ART3: variants seen among roughly 807,000 people sequenced by gnomAD.
ART3 encodes ADP-ribosyltransferase 3 (inactive).
Under a neutral mutation model 48.5 loss-of-function variants are expected in ART3, and 49 were observed. The ratio of observed to expected loss-of-function variants is 1.01; its 90% CI spans 0.80 to 1.28. ART3 has a LOEUF of 1.28. Ranked by LOEUF, ART3 falls within the 50% of genes most tolerant of loss-of-function variation. The probability of loss-of-function intolerance (pLI) is 0.00; values close to 1 mark genes in which losing one functional copy is unlikely to be tolerated. For synonymous variants in ART3, 145 were observed against 157.2 expected (o/e 0.92, Z 0.58); for missense variants, 438 against 454.3 (o/e 0.96, Z 0.33).
chr4:76,104,227 G>C (rs964034670), intron 9 of ART3: 3 of 546,400 alleles, frequency 5.5e-6, no homozygotes, highest in Non-Finnish European at 7.0e-6. Context: ...AGGCTCCTGG[G>C]ATCTGGATGC....
intron 1 of ART3, among the ~76,000 whole-genome samples, chr4:76,052,270 T>C (rs1257010614): frequency 6.6e-6 from 1 of 152,154 alleles, no homozygotes; most frequent in Non-Finnish European, 1.5e-5. Flanking sequence ...TGTAGTCTGG[T>C]ATTTGAGAAT....
chr4:76,109,612 C>T (rs1578638426), intron 11 of ART3, among the ~76,000 whole-genome samples: 1 of 152,150 alleles, frequency 6.6e-6, no homozygotes, highest in East Asian at 1.9e-4. Context: ...ATACAACTGG[C>T]AGTGCAGTAG....
intron 1 of ART3, among the ~76,000 whole-genome samples, chr4:76,018,637 T>A (rs910895477): frequency 6.6e-6 from 1 of 152,146 alleles, no homozygotes; most frequent in Non-Finnish European, 1.5e-5. Context: ...TACAAAGTAA[T>A]ATGCCATGAA....
intron 1 of ART3, among the ~76,000 whole-genome samples, chr4:76,026,296 AT>A: frequency 6.6e-6 from 1 of 151,748 alleles, no homozygotes; most frequent in African/African-American, 2.4e-5. Flanking sequence ...CAGTTCATTC[AT>A]TTTTTTTAAT....
At position 76,097,685 on chromosome 4, in the gene ART3, G is replaced by T. The variant is rs775821136; in HGVS notation, c.814+9G>T. The T allele has an allele frequency of 1.9e-6, 3 of 1,604,592 alleles. No individual in the cohort carries two copies. In the South Asian group the frequency reaches 3.3e-5, roughly 18 times the overall value. On this transcript the variant is annotated intron_variant, in intron 4 of 11. Transcript: ENST00000355810. ...CTGTATTGAGAACCTAGGTAAGATA[G>T]CTTTAAAGTCTTATCCCTATAATAG...
chr4:76,076,745 CA>C (rs1330534169), intron 2 of ART3, among the ~76,000 whole-genome samples: 14 of 152,244 alleles, frequency 9.2e-5, no homozygotes, highest in African/African-American at 2.4e-4. Flanking sequence ...CATTTTCCCA[CA>C]TTTTTTTTCT....
At chr4:76,089,631 A>G (rs539927295) in intron 3 of ART3, among the ~76,000 whole-genome samples, 1 of 152,150 alleles carries the variant, frequency 6.6e-6, no homozygotes, top group East Asian at 1.9e-4. Context: ...CCAGTCTCAG[A>G]TATTTCTTTA....
intron 10 of ART3, chr4:76,105,724 T>A (rs962483324): frequency 1.0e-6 from 1 of 985,304 alleles, no homozygotes; most frequent in African/African-American, 1.7e-5. Flanking sequence ...TCTTTCAGTG[T>A]GAGCAGCAGG....
At chr4:76,044,462 G>A (rs190945846) in intron 1 of ART3, among the ~76,000 whole-genome samples, 40 of 152,172 alleles carry the variant, frequency 2.6e-4, no homozygotes, top group African/African-American at 8.9e-4. Flanking sequence ...CTGTCTGAGA[G>A]GCAGATATGG....
intron 10 of ART3, chr4:76,106,197 T>TGCTA: frequency 1.0e-6 from 1 of 985,444 alleles, no homozygotes; most frequent in South Asian, 4.7e-5. Flanking sequence ...GTTCACTTTG[T>TGCTA]GCTACACTTG....
Position 76,060,241 on chromosome 4 carries a change from A to G in ART3, c.-9-15640A>G, listed in dbSNP as rs968783409. ...TTTTGGAACATAATACTGTTGTAGAATATTGTGGAATCATAAGTTACTGAT... is the reference window on the plus strand; with the variant it reads ...TTTTGGAACATAATACTGTTGTAGAGTATTGTGGAATCATAAGTTACTGAT... On this transcript the variant is annotated intron_variant, in intron 1 of 9. Transcript: ENST00000341029. Among the ~76,000 whole-genome samples the G allele has an allele frequency of 3.3e-5, 5 of 152,324 alleles. No homozygotes were observed. The South Asian group carries it at 6.2e-4, about 19-fold the overall frequency.
At chr4:76,060,877 A>G (rs1465166851) in intron 1 of ART3, among the ~76,000 whole-genome samples, 1 of 152,216 alleles carries the variant, frequency 6.6e-6, no homozygotes, top group African/African-American at 2.4e-5. Context: ...ACAGGTCTCA[A>G]TCTTAAGTCT....
At chr4:76,109,603 T>C (rs1184162845) in intron 11 of ART3, among the ~76,000 whole-genome samples, 1 of 152,228 alleles carries the variant, frequency 6.6e-6, no homozygotes, top group Non-Finnish European at 1.5e-5. Flanking sequence ...TATACAGTTA[T>C]ACAACTGGCA....
At chr4:76,086,063 C>G (rs531417898) in intron 3 of ART3, among the ~76,000 whole-genome samples, 1,636 of 150,866 alleles carry the variant, frequency 0.011, 19 homozygotes, top group Non-Finnish European at 0.018. Context: ...CAAGAGTCCC[C>G]CCCCCCGCTC....
intron 4 of ART3, among the ~76,000 whole-genome samples, chr4:76,098,684 C>T (rs116980462): frequency 0.029 from 4,406 of 152,130 alleles, 170 homozygotes; most frequent in African/African-American, 0.089. Context: ...GCTTGAAACC[C>T]GGGAGGCAGA....
intron 1 of ART3, among the ~76,000 whole-genome samples, chr4:76,049,880 G>A (rs1458599128): frequency 6.6e-6 from 1 of 151,926 alleles, no homozygotes; most frequent in African/African-American, 2.4e-5. Flanking sequence ...TCTTAAGGTG[G>A]CGCGTCTGGA....
chr4:76,043,231 C>G (rs373773047), intron 1 of ART3, among the ~76,000 whole-genome samples: 2 of 152,126 alleles, frequency 1.3e-5, no homozygotes. Context: ...GCTGGCTTCA[C>G]GCAGTGGATC....
upstream of ART3, among the ~76,000 whole-genome samples, chr4:76,073,398 A>T (rs1030633118): frequency 1.3e-5 from 2 of 152,174 alleles, no homozygotes; most frequent in Non-Finnish European, 2.9e-5. Context: ...TTTTTAAAAA[A>T]TCATATTATT....
At chr4:76,073,102 A>G (rs769754195), upstream of ART3, among the ~76,000 whole-genome samples, 5 of 152,242 alleles carry the variant, frequency 3.3e-5, no homozygotes, top group South Asian at 2.1e-4. Context: ...TCACAAGAAT[A>G]TAAACTTCAC....
Sources: gnomAD v4.1 joint callset for allele counts (sites outside exome capture counted in the v4.1 genomes callset) on GRCh38, gnomAD v4.1.1 for gene constraint, MANE v1.5 for transcripts, NCBI Gene and HGNC (gene_info 2026-07-23, HGNC 2026-07-21) for gene names.